The following NALF1 variants were observed in gnomAD, a reference collection of about 807,000 sequenced individuals.
The protein encoded by NALF1 is NALCN channel auxiliary factor 1, also known as family with sequence similarity 155 member A.
NALF1 carries 3 observed loss-of-function variants against 48.4 expected under a neutral mutation model. That is an observed-to-expected ratio of 0.06 (90% CI 0.03 to 0.16). The LOEUF is 0.16. NALF1 is among the 10% of genes least tolerant of loss of function. The probability of loss-of-function intolerance (pLI) is 1.00; values close to 1 mark genes in which losing one functional copy is unlikely to be tolerated. For synonymous variants in NALF1, 262 were observed against 245.7 expected (o/e 1.07, Z -0.62); for missense variants, 526 against 571.5 (o/e 0.92, Z 0.81).
At chr13:107,204,155 C>G (rs1310565266) in intron 2 of NALF1, among the ~76,000 whole-genome samples, 1 of 151,862 alleles carries the variant, frequency 6.6e-6, no homozygotes, top group Non-Finnish European at 1.5e-5. Context: ...CCCAGGTGAG[C>G]TGGAGGCAGA....
chr13:107,346,548 T>A (rs1340463784), intron 1 of NALF1, among the ~76,000 whole-genome samples: 16 of 152,176 alleles, frequency 1.1e-4, no homozygotes, highest in Admixed American at 1.0e-3. Context: ...TCCTCTTATA[T>A]ATGACAGATG....
chr13:107,222,322 G>T (rs1233510653), intron 1 of NALF1, among the ~76,000 whole-genome samples: 1 of 152,124 alleles, frequency 6.6e-6, no homozygotes, highest in African/African-American at 2.4e-5. Context: ...ACTTGTATAT[G>T]TTTTAATTGT....
chr13:107,393,364 CA>C (rs1213001359), intron 1 of NALF1, among the ~76,000 whole-genome samples: 2 of 152,062 alleles, frequency 1.3e-5, no homozygotes, highest in Non-Finnish European at 2.9e-5. Context: ...CCAGTTTAGT[CA>C]TTTGGCTTCA....
At chr13:107,450,671 T>G (rs1009833719) in intron 1 of NALF1, among the ~76,000 whole-genome samples, 4 of 152,012 alleles carry the variant, frequency 2.6e-5, no homozygotes, top group African/African-American at 9.7e-5. Context: ...ATGCCATGGG[T>G]GAATCCCCAG....
rs564026063 is a variant in NALF1 at position 107,474,131 on chromosome 13, AT to A, written c.916-263377del. On this transcript the variant is annotated intron_variant, in intron 1 of 2. Coordinates refer to ENST00000375915, the MANE Select transcript of NALF1 (RefSeq NM_001080396.3). Reference sequence around the variant, plus strand: ...ATAAGAACATTCAGAACTGAATAAAATTTTTTTTTCTGAAATTAAGGGACAG... The same window carrying A: ...ATAAGAACATTCAGAACTGAATAAAATTTTTTTTCTGAAATTAAGGGACAG... Among the ~76,000 whole-genome samples, 671 of 151,760 alleles carry A rather than the reference AT, an allele frequency of 4.4e-3. 2 individuals are homozygous for A. The highest frequency in any genetic ancestry group is 8.3e-3 in the South Asian group (40 of 4,798).
At chr13:107,534,680 T>G (rs1180981081) in intron 1 of NALF1, among the ~76,000 whole-genome samples, 1 of 152,160 alleles carries the variant, frequency 6.6e-6, no homozygotes, top group African/African-American at 2.4e-5. Flanking sequence ...GGCATCTCTC[T>G]CAGGGATCTG....
chr13:107,696,273 A>G (rs939588947), intron 1 of NALF1, among the ~76,000 whole-genome samples: 1 of 152,206 alleles, frequency 6.6e-6, no homozygotes, highest in Non-Finnish European at 1.5e-5. Context: ...ATAAGAAGCT[A>G]AAGATTGCCT....
At chr13:107,469,638 ATGTT>A (rs1264183566) in intron 1 of NALF1, among the ~76,000 whole-genome samples, 1 of 149,010 alleles carries the variant, frequency 6.7e-6, no homozygotes, top group Non-Finnish European at 1.5e-5. Context: ...GACACACTGT[ATGTT>A]TAAGTTTTTT....
chr13:107,757,896 G>T (rs1392247645), intron 1 of NALF1, among the ~76,000 whole-genome samples: 1 of 151,994 alleles, frequency 6.6e-6, no homozygotes, highest in South Asian at 2.1e-4. Flanking sequence ...ATCCTTGATG[G>T]TTATTGATAA....
At chr13:107,803,326 G>T (rs959619413) in intron 1 of NALF1, among the ~76,000 whole-genome samples, 1 of 151,980 alleles carries the variant, frequency 6.6e-6, no homozygotes, top group Admixed American at 6.6e-5. Context: ...TAAATATAAC[G>T]TGGTCAATTT....
intron 1 of NALF1, among the ~76,000 whole-genome samples, chr13:107,665,584 C>T (rs1880837013): frequency 1.3e-5 from 2 of 152,068 alleles, no homozygotes; most frequent in African/African-American, 4.8e-5. Flanking sequence ...CATTTCTGCT[C>T]TCAATTCTGA....
intron 1 of NALF1, among the ~76,000 whole-genome samples, chr13:107,392,360 C>T (rs1883641516): frequency 1.3e-5 from 2 of 152,118 alleles, no homozygotes; most frequent in Non-Finnish European, 2.9e-5. Flanking sequence ...AAACAGGAAG[C>T]TCCTCCAGCT....
In NALF1 at chr13:107,815,318, A is replaced by C. The variant is rs546345875; in HGVS notation, c.915+50364T>G. On this transcript the variant is annotated intron_variant, in intron 1 of 2. Coordinates refer to ENST00000375915, the MANE Select transcript of NALF1 (RefSeq NM_001080396.3). ...AGAACTCTTATAACTCAGTAACACA[A>C]GATAAATAACCCAACAAAAATTAAT... 8.6e-4 allele frequency among the ~76,000 whole-genome samples: 128 copies of C among 149,390 alleles called. 1 individual carries two copies. The highest frequency in any genetic ancestry group is 3.1e-3 in the African/African-American group (124 of 40,654).
intron 1 of NALF1, among the ~76,000 whole-genome samples, chr13:107,469,588 T>C (rs1348041476): frequency 6.6e-6 from 1 of 152,174 alleles, no homozygotes; most frequent in Non-Finnish European, 1.5e-5. Flanking sequence ...TCTGGATTAC[T>C]TATAATACCA....
intron 1 of NALF1, among the ~76,000 whole-genome samples, chr13:107,302,693 T>C (rs1881860287): frequency 6.6e-6 from 1 of 152,208 alleles, no homozygotes; most frequent in Non-Finnish European, 1.5e-5. Flanking sequence ...CTAAAACCTA[T>C]GTTCAAAACA....
intron 1 of NALF1, among the ~76,000 whole-genome samples, chr13:107,322,723 C>T (rs2138915358): frequency 6.6e-6 from 1 of 152,238 alleles, no homozygotes; most frequent in East Asian, 1.9e-4. Flanking sequence ...CTTCAAATTT[C>T]ATAACCATCC....
At chr13:107,394,788 A>G (rs1883683614) in intron 1 of NALF1, among the ~76,000 whole-genome samples, 1 of 152,184 alleles carries the variant, frequency 6.6e-6, no homozygotes, top group Admixed American at 6.6e-5. Flanking sequence ...TATATGGATC[A>G]TGTTGAGTGG....
intron 1 of NALF1, among the ~76,000 whole-genome samples, chr13:107,804,055 A>T (rs1878700480): frequency 6.6e-6 from 1 of 152,120 alleles, no homozygotes; most frequent in African/African-American, 2.4e-5. Flanking sequence ...CAGTGTCACA[A>T]TTGTGTCCTC....
chr13:107,234,945 G>A lies in NALF1; in HGVS notation c.916-24190C>T, dbSNP rs372633366. On this transcript the variant is annotated intron_variant, in intron 1 of 2. Transcript: ENST00000375915. ...CTTTCTTGAATGCTAACGAGCCACA[G>A]TACAGCTCCCATGCCCCACCGCCTC... Among the ~76,000 whole-genome samples, 25 of 152,138 alleles carry A rather than the reference G, an allele frequency of 1.6e-4. No homozygotes were observed. The South Asian group carries it at 4.6e-3, about 28-fold the overall frequency.
Sources: allele counts gnomAD v4.1 joint callset (sites outside exome capture counted in the v4.1 genomes callset), GRCh38; gene constraint gnomAD v4.1.1; transcripts MANE v1.5; gene names NCBI Gene and HGNC (gene_info 2026-07-23, HGNC 2026-07-21).